The following MRPL34 variants were observed in gnomAD, a reference collection of about 807,000 sequenced individuals.
The protein encoded by MRPL34 is large ribosomal subunit protein bL34m.
MRPL34 carries 8 observed loss-of-function variants against 6.7 expected under a neutral mutation model. The observed-to-expected ratio is 1.20, with a 90% CI of 0.70 to 2.16. The LOEUF (loss-of-function observed/expected upper bound fraction) is 2.16, where lower values mean the gene tolerates loss of function less well. Among genes scored for constraint, MRPL34 ranks in the 30% most tolerant of loss-of-function variants. The pLI, the probability that MRPL34 is intolerant of heterozygous loss-of-function variation, is 0.00. For synonymous variants in MRPL34, 59 were observed against 55.1 expected (o/e 1.07, Z -0.31); for missense variants, 146 against 125.5 (o/e 1.16, Z -0.78).
chr19:17,305,748 G>A (rs2074142845), upstream of MRPL34: 2 of 852,574 alleles, frequency 2.3e-6, no homozygotes, highest in Non-Finnish European at 3.9e-6. Context: ...CGCAGGCGCA[G>A]AACTACAACT....
At chr19:17,294,863 G>C in intron 1 of MRPL34, 2 of 1,608,362 alleles carry the variant, frequency 1.2e-6, no homozygotes, top group Non-Finnish European at 1.7e-6. Flanking sequence ...GAACGGGTGG[G>C]GTGATAGGAG....
upstream of MRPL34, among the ~76,000 whole-genome samples, chr19:17,300,629 C>T (rs939099973): frequency 2.0e-5 from 3 of 152,220 alleles, no homozygotes; most frequent in Non-Finnish European, 4.4e-5. Context: ...AGGCGCGTGC[C>T]ACCACGTCTG....
chr19:17,294,162 C>T, intron 1 of MRPL34: 1 of 1,206,292 alleles, frequency 8.3e-7, no homozygotes. Context: ...GCCCACCCGG[C>T]AGCCACGCCC....
chr19:17,294,676 T>C (rs1370136665), intron 1 of MRPL34: 2 of 1,613,700 alleles, frequency 1.2e-6, no homozygotes, highest in South Asian at 2.2e-5. Flanking sequence ...GACACTCACT[T>C]GAGGAAGCTC....
At chr19:17,299,583 A>T (rs1461058834), upstream of MRPL34, among the ~76,000 whole-genome samples, 1 of 150,136 alleles carries the variant, frequency 6.7e-6, no homozygotes, top group East Asian at 1.9e-4. Context: ...AAAAAAAAAA[A>T]TTAAGGCTGA....
chr19:17,305,902 T>G lies in MRPL34; in HGVS notation c.10T>G (p.Leu4Val). 1 of 1,614,052 alleles carries G rather than the reference T, an allele frequency of 6.2e-7. No individual in the cohort carries two copies. The highest frequency in any genetic ancestry group is 8.5e-7 in the Non-Finnish European group (1 of 1,179,974). Residue 4 changes from leucine to valine, a missense_variant, in exon 1 of 2, where the codon TTG becomes GTG. Transcript: ENST00000252602. ...GGGACCCACTGCGGATATGGCTGTC[T>G]TGGCTGGATCCCTGTTGGGCCCCAC... MAV[L>V]AGSLLGPTSR...
At chr19:17,301,143 G>T (rs761958582), upstream of MRPL34, 4 of 1,612,412 alleles carry the variant, frequency 2.5e-6, no homozygotes, top group Non-Finnish European at 3.4e-6. Context: ...AGTCAATATG[G>T]ATGGTCCTCT....
upstream of MRPL34, among the ~76,000 whole-genome samples, chr19:17,299,589 G>T (rs1215751667): frequency 6.9e-6 from 1 of 145,928 alleles, no homozygotes; most frequent in African/African-American, 2.5e-5. Context: ...AAAAATTAAG[G>T]CTGAGCACAA....
rs962996290 is a variant in MRPL34, at chr19:17,306,180, G to C, written c.80G>C (p.Arg27Pro). The stretch of plus-strand genomic sequence containing the variant: ...TACCCACGCAGGTGGCTCCAGCCCC[G>C]GGCCTGGCTGGGGTTCCCAGACGCC... ...ALLGGRWLQP[R>P]AWLGFPDAWG... The change falls in exon 2 of 2, where the codon CGG becomes CCG. Residue 27 changes from arginine (R) to proline (P), a missense_variant. By Grantham distance (103) the Arg-to-Pro change is moderately radical (BLOSUM62 -2). Transcript: ENST00000252602. 6.5e-7 allele frequency: 1 copy of C among 1,530,594 alleles called. No homozygotes were observed. The highest frequency in any genetic ancestry group is 8.8e-7 in the Non-Finnish European group (1 of 1,141,872). The allele number at this position is 1,530,594 out of a possible 1,614,324, so 94.8% of individuals were successfully genotyped here. A position where few individuals can be genotyped will look rare whatever the true frequency, so the allele number is the denominator to read the frequency against.
At chr19:17,299,501 C>T (rs899422511), upstream of MRPL34, among the ~76,000 whole-genome samples, 14 of 141,428 alleles carry the variant, frequency 9.9e-5, no homozygotes, top group Non-Finnish European at 1.8e-4. Flanking sequence ...GTGGAGCTTG[C>T]AGTGAGCCAG....
chr19:17,293,382 C>T (rs965653998), intron 1 of MRPL34, among the ~76,000 whole-genome samples: 1 of 151,334 alleles, frequency 6.6e-6, no homozygotes, highest in South Asian at 2.1e-4. Context: ...CAGGAGTGAG[C>T]CACCGCGCCC....
At chr19:17,294,110 G>C (rs1053616627) in intron 1 of MRPL34, among the ~76,000 whole-genome samples, 1 of 152,100 alleles carries the variant, frequency 6.6e-6, no homozygotes, top group Admixed American at 6.6e-5. Context: ...TAATGCTCCT[G>C]TTTGCCTGGG....
upstream of MRPL34, among the ~76,000 whole-genome samples, chr19:17,304,633 T>C (rs1443981934): frequency 1.3e-5 from 2 of 152,138 alleles, no homozygotes; most frequent in African/African-American, 2.4e-5. Context: ...TACAGTTTAT[T>C]CATTTAGCAA....
At chr19:17,293,368 A>G (rs2074079322) in intron 1 of MRPL34, among the ~76,000 whole-genome samples, 1 of 150,932 alleles carries the variant, frequency 6.6e-6, no homozygotes, top group Non-Finnish European at 1.5e-5. Flanking sequence ...AAGTGCTGGG[A>G]TTACAGGAGT....
intron 1 of MRPL34, chr19:17,294,500 C>T: frequency 1.2e-6 from 2 of 1,613,816 alleles, no homozygotes; most frequent in Non-Finnish European, 1.7e-6. Context: ...CGGGCGAAGC[C>T]GGCCCTGGTG....
At position 17,294,157 on chromosome 19, in the gene MRPL34, C is replaced by T. The variant is rs2074082778; in HGVS notation, c.214+1303C>T. On this transcript the variant is annotated intron_variant, in intron 1 of 2. Coordinates refer to the MRPL34 transcript ENST00000595444. ...ATACAGCAACTAGAGGCCACGCCCA[C>T]CCGGCAGCCACGCCCCCTCGGGAAG... 20 of 1,161,736 alleles carry T rather than the reference C, an allele frequency of 1.7e-5. No individual in the cohort carries two copies. In the South Asian group the frequency reaches 2.6e-4, roughly 15 times the overall value. 72.0% of individuals were successfully genotyped at this position (1,161,736 alleles called of 1,614,324 possible). A position where few individuals can be genotyped will look rare whatever the true frequency, so the allele number is the denominator to read the frequency against.
chr19:17,301,676 C>A (rs888456437), upstream of MRPL34: 94 of 1,477,272 alleles, frequency 6.4e-5, no homozygotes, highest in Non-Finnish European at 8.0e-5. Context: ...GAGAACCCTG[C>A]ACCGTGCAGC....
rs752741313 is a variant in MRPL34 at position 17,306,308 on chromosome 19, C to G, written c.208C>G (p.Leu70Val). Residue 70 changes from leucine to valine, a missense_variant, in exon 2 of 2, where the codon CTG (leucine) becomes GTG (valine). Coordinates refer to ENST00000252602, the MANE Select transcript of MRPL34 (RefSeq NM_023937.4). ...RKNKHGWVRR[L>V]STPAGVQVIL... is the part of the protein sequence containing the mutation. ...GAACAAGCACGGCTGGGTCCGGCGC[C>G]TGAGCACGCCGGCCGGCGTGCAGGT... is the stretch of plus-strand genomic sequence containing the variant. 2 of 1,610,532 alleles carry G rather than the reference C, an allele frequency of 1.2e-6. No individual in the cohort carries two copies. The highest frequency in any genetic ancestry group is 1.1e-5 in the South Asian group (1 of 90,782).
At chr19:17,292,696 C>A in exon 1 of MRPL34, 1 of 1,612,574 alleles carries the variant, frequency 6.2e-7, no homozygotes, top group East Asian at 2.2e-5. Flanking sequence ...GGCAGTGGCT[C>A]CGGTAGAGCC....
Sources: gnomAD v4.1 joint callset for allele counts (sites outside exome capture counted in the v4.1 genomes callset) on GRCh38, gnomAD v4.1.1 for gene constraint, MANE v1.5 for transcripts, NCBI Gene and HGNC (gene_info 2026-07-23, HGNC 2026-07-21) for gene names.